The following CSMD3 variants were observed in gnomAD, a reference collection of about 807,000 sequenced individuals.
CSMD3 encodes CUB and sushi domain-containing protein 3.
In CSMD3, 177 loss-of-function variants were observed where a neutral mutation model predicts 435.2. The observed-to-expected ratio is 0.41, with a 90% confidence interval of 0.36 to 0.46. The LOEUF is 0.46. Ranked by LOEUF, CSMD3 falls within the 20% of genes least tolerant of loss-of-function variation. The probability of loss-of-function intolerance (pLI) is 0.34; values close to 1 mark genes in which losing one functional copy is unlikely to be tolerated. For missense variants in CSMD3, 4,265 were observed against 4,504.6 expected, an observed-to-expected ratio of 0.95 and a Z score of 1.52; for synonymous variants, 1,656 against 1,520.5, an observed-to-expected ratio of 1.09 and a Z score of -2.07.
At position 112,226,534 on chromosome 8, in the gene CSMD3, T is replaced by C. The variant is rs76734186; in HGVS notation, c.10965-1604A>G. Among the ~76,000 whole-genome samples the C allele has an allele frequency of 1.1e-3, 171 of 152,054 alleles. 3 individuals carry two copies. The East Asian group carries it at 0.02, about 18-fold the overall frequency. On this transcript the variant is annotated intron_variant, in intron 70 of 70. Transcript: ENST00000297405. ...GGTTTCTTGGATTTGACATCAAAAG[T>C]ACAAGTAAGAGGAAAAAAAATAAAT...
At position 113,329,204 on chromosome 8, in the gene CSMD3, A is replaced by AAAAAAAATAAAT. The variant is rs2094008161; in HGVS notation, c.179-14412_179-14411insATTTATTTTTTT. 2.1e-5 allele frequency among the ~76,000 whole-genome samples: 3 copies of AAAAAAAATAAAT among 143,932 alleles called. No individual in the cohort carries two copies. In the Admixed American group the frequency reaches 2.1e-4, roughly 10 times the overall value. The allele number at this position is 143,932 out of a possible 152,430, so 94.4% of individuals were successfully genotyped here. On this transcript the variant is annotated intron_variant, in intron 1 of 70. Coordinates refer to ENST00000297405, the MANE Select transcript of CSMD3 (RefSeq NM_198123.2). ...CTACTACAAGTATGTTTAAAGAATG[A>AAAAAAAATAAAT]AAATAAATAAATAAATAAATAAATA...
intron 6 of CSMD3, among the ~76,000 whole-genome samples, chr8:113,004,722 C>T (rs1363247498): frequency 6.6e-6 from 1 of 151,742 alleles, no homozygotes; most frequent in Non-Finnish European, 1.5e-5. Flanking sequence ...TTTAGCACTT[C>T]TTATGCAGAA....
At chr8:113,362,458 C>T (rs1238105451) in intron 1 of CSMD3, among the ~76,000 whole-genome samples, 1 of 152,114 alleles carries the variant, frequency 6.6e-6, no homozygotes, top group Non-Finnish European at 1.5e-5. Flanking sequence ...AAAGTATCTG[C>T]ATAAAAAGTG....
At chr8:113,182,849 G>T (rs1373621436) in intron 3 of CSMD3, among the ~76,000 whole-genome samples, 1 of 151,564 alleles carries the variant, frequency 6.6e-6, no homozygotes, top group East Asian at 1.9e-4. Flanking sequence ...TTCTCTGGGA[G>T]ATGCACAGCA....
chr8:112,356,839 T>G (rs1393696714), intron 38 of CSMD3, among the ~76,000 whole-genome samples: 1 of 152,164 alleles, frequency 6.6e-6, no homozygotes, highest in African/African-American at 2.4e-5. Flanking sequence ...ACCATGATTA[T>G]GAGGCTTCAC....
At chr8:112,885,863 T>C (rs1330845330) in intron 10 of CSMD3, among the ~76,000 whole-genome samples, 1 of 151,688 alleles carries the variant, frequency 6.6e-6, no homozygotes, top group Non-Finnish European at 1.5e-5. Context: ...TTCATCATCC[T>C]AGGAAGACAG....
chr8:113,192,666 T>G (rs962617424), intron 3 of CSMD3, among the ~76,000 whole-genome samples: 5 of 151,652 alleles, frequency 3.3e-5, no homozygotes, highest in African/African-American at 1.2e-4. Flanking sequence ...TTCATATACA[T>G]ATATTTTTTA....
chr8:113,117,788 A>T (rs1244891627), intron 4 of CSMD3, among the ~76,000 whole-genome samples: 1 of 152,234 alleles, frequency 6.6e-6, no homozygotes, highest in Non-Finnish European at 1.5e-5. Flanking sequence ...AAAGGAGATC[A>T]TCCTGGAGCT....
intron 38 of CSMD3, among the ~76,000 whole-genome samples, chr8:112,353,827 A>C (rs773788445): frequency 2.0e-5 from 3 of 152,130 alleles, no homozygotes; most frequent in Non-Finnish European, 2.9e-5. Context: ...ATGAGAAGGG[A>C]CTTTCCTAAC....
At chr8:112,772,454 G>A (rs1397743172) in intron 13 of CSMD3, among the ~76,000 whole-genome samples, 3 of 151,576 alleles carry the variant, frequency 2.0e-5, no homozygotes, top group Non-Finnish European at 2.9e-5. Flanking sequence ...AGTACGCAGA[G>A]ACACAAAACA....
chr8:113,258,734 A>C (rs1043856437), intron 3 of CSMD3, among the ~76,000 whole-genome samples: 1 of 152,120 alleles, frequency 6.6e-6, no homozygotes, highest in Non-Finnish European at 1.5e-5. Flanking sequence ...TGAGTAGGGA[A>C]GCGTTAAGAG....
chr8:113,035,086 C>A (rs1233754091), intron 5 of CSMD3, among the ~76,000 whole-genome samples: 1 of 151,424 alleles, frequency 6.6e-6, no homozygotes, highest in Non-Finnish European at 1.5e-5. Flanking sequence ...AAAAAGAAAA[C>A]AATCTATGCA....
intron 1 of CSMD3, among the ~76,000 whole-genome samples, chr8:113,319,569 T>C (rs959410415): frequency 6.6e-6 from 1 of 152,060 alleles, no homozygotes; most frequent in African/African-American, 2.4e-5. Flanking sequence ...TTAATGCTGT[T>C]CTGTTTATTT....
intron 5 of CSMD3, among the ~76,000 whole-genome samples, chr8:113,094,806 T>C (rs1177437275): frequency 6.6e-6 from 1 of 152,126 alleles, no homozygotes; most frequent in Non-Finnish European, 1.5e-5. Context: ...GTGCGGTAGC[T>C]CATGCCTGTA....
At chr8:112,910,010 C>T (rs1321527061) in intron 10 of CSMD3, among the ~76,000 whole-genome samples, 3 of 151,674 alleles carry the variant, frequency 2.0e-5, no homozygotes, top group African/African-American at 4.8e-5. Flanking sequence ...CCAGTGAGTA[C>T]GTTACGGTTC....
intron 15 of CSMD3, among the ~76,000 whole-genome samples, 178 bp from the exon 16 acceptor site, chr8:112,682,814 T>C (rs1030045931): frequency 2.6e-5 from 4 of 152,146 alleles, no homozygotes; most frequent in Non-Finnish European, 5.9e-5. Context: ...ACCTTACCTG[T>C]TTGCCTGTGA....
At position 112,501,900 on chromosome 8, in the gene CSMD3, T is replaced by C. The variant is rs190284785; in HGVS notation, c.5083+1890A>G. Among the ~76,000 whole-genome samples, 114 of 152,216 alleles carry C rather than the reference T, an allele frequency of 7.5e-4. 2 individuals are homozygous for C. In the East Asian group the frequency reaches 0.018, roughly 24 times the overall value. ...GCTATATGTTTCTAATTTTGATAAA[T>C]CTCAAAAACAATTTAAGGGGCCAAA... On this transcript the variant is annotated intron_variant, in intron 30 of 70. Coordinates refer to ENST00000297405, the MANE Select transcript of CSMD3 (RefSeq NM_198123.2).
chr8:112,689,673 CTA>C (rs1218513509), intron 14 of CSMD3, among the ~76,000 whole-genome samples, 193 bp downstream of exon 14: 8 of 152,004 alleles, frequency 5.3e-5, no homozygotes, highest in Non-Finnish European at 1.2e-4. Flanking sequence ...ACCAAGTGAA[CTA>C]TGTTAACTTT....
rs780712836 is a variant in CSMD3, at chr8:112,237,477, AAATT to A, written c.10469-133_10469-130del. 4.6e-4 allele frequency: 329 copies of A among 713,020 alleles called. 1 individual carries two copies. Among genetic ancestry groups the A allele is most frequent in the Middle Eastern group, 1.2e-3 (3 of 2,540 alleles). The allele number at this position is 713,020 out of a possible 1,614,324, so 44.2% of individuals were successfully genotyped here. On this transcript the variant is annotated intron_variant, in intron 66 of 70. Transcript: ENST00000297405. Reference sequence around the variant, plus strand: ...ACAATAATGTTGAATGTGTGTTACAAAATTAATTCTTCATATAAAAATGTTTCCA... The same window carrying A: ...ACAATAATGTTGAATGTGTGTTACAAAATTCTTCATATAAAAATGTTTCCA...
Sources: gnomAD v4.1 joint callset for allele counts (sites outside exome capture counted in the v4.1 genomes callset) on GRCh38, gnomAD v4.1.1 for gene constraint, MANE v1.5 for transcripts, NCBI Gene and HGNC (gene_info 2026-07-23, HGNC 2026-07-21) for gene names.